PDZD11: variants seen among roughly 807,000 people sequenced by gnomAD.
PDZD11 encodes the protein PDZ domain containing 11, also known as PDZ domain-containing protein 11.
In PDZD11, 2 loss-of-function variants were observed where a neutral mutation model predicts 13.7. The ratio of observed to expected loss-of-function variants is 0.15; its 90% CI spans 0.06 to 0.46. PDZD11 has a LOEUF of 0.46. Among genes scored for constraint, PDZD11 ranks in the 20% least tolerant of loss-of-function variants. The pLI, the probability that PDZD11 is intolerant of heterozygous loss-of-function variation, is 0.98. For synonymous variants in PDZD11, 32 were observed against 37.5 expected (o/e 0.85, Z 0.54); for missense variants, 44 against 111.7 (o/e 0.39, Z 2.73).
chrX:70,287,261 GA>G lies in PDZD11; in HGVS notation c.388+14del. On this transcript the variant is annotated intron_variant, in intron 6 of 6. Coordinates refer to ENST00000239666, the MANE Select transcript of PDZD11 (RefSeq NM_016484.5). ...GGGCCCTGTCAGGAAAGTGAAAAAAGAAAGTGGCACTTACTGTAGGGAAAGA... is the reference window on the plus strand; with the variant it reads ...GGGCCCTGTCAGGAAAGTGAAAAAAGAAGTGGCACTTACTGTAGGGAAAGA... 8.3e-7 allele frequency: 1 copy of G among 1,203,787 alleles called. No individual in the cohort carries two copies. Among genetic ancestry groups the G allele is most frequent in the Non-Finnish European group, 1.1e-6 (1 of 888,633 alleles).
chrX:70,288,705 C>CTTT (rs67327803), intron 2 of PDZD11, among the ~76,000 whole-genome samples, 192 bp from the exon 3 acceptor site: 1 of 92,769 alleles, frequency 1.1e-5, no homozygotes, highest in Non-Finnish European at 2.1e-5. Context: ...ATTTCTTCAC[C>CTTT]TTTTTTTTTT....
At chrX:70,288,308 C>T in intron 3 of PDZD11, 122 bp downstream of exon 3, 1 of 850,565 alleles carries the variant, frequency 1.2e-6, no homozygotes, top group Non-Finnish European at 1.7e-6. Context: ...GTTATCTCAG[C>T]TTTTCTGTCC....
chrX:70,288,092 C>T, intron 4 of PDZD11, 25 bp downstream of exon 4: 1 of 1,151,537 alleles, frequency 8.7e-7, no homozygotes, highest in Non-Finnish European at 1.2e-6. Flanking sequence ...AGTAACGATC[C>T]ATATTGCCTA....
chrX:70,287,315 C>G lies in PDZD11; in HGVS notation c.349G>C (p.Ala117Pro). The G allele has an allele frequency of 4.1e-6, 5 of 1,208,672 alleles. No homozygotes were observed. The highest frequency in any genetic ancestry group is 5.6e-6 in the Non-Finnish European group (5 of 893,547). ...CGCACACGCATGCTGATTTCACGAG[C>G]TGTCTTCAGGATCTCAACAGCCTGG... ...HSKAVEILKT[A>P]REISMRVRFF... The change falls in exon 6 of 7, where the codon GCT becomes CCT. Residue 117 changes from alanine to proline, a missense_variant. Physicochemically the swap from Ala to Pro is conservative, Grantham distance 27. Transcript: ENST00000239666.
intron 5 of PDZD11, 33 bp downstream of exon 5, chrX:70,287,699 C>T (rs2085727910): frequency 9.4e-7 from 1 of 1,061,789 alleles, no homozygotes; most frequent in Non-Finnish European, 1.3e-6. Context: ...GAGATGGCTT[C>T]TTGCAGCACC....
At position 70,288,126 on chromosome X, in the gene PDZD11, G is replaced by A. The variant is rs1236988141; in HGVS notation, c.219C>T (p.Phe73=). ...TACTGGGCATAAATACCTTGGAGAT[G>A]AAGATGCCTAGCTGGGAGGCCTTTC... ...RGGKASQLGI[F]ISKVIPDSDA... The change falls in exon 4 of 7, where the codon TTC becomes TTT. Residue 73 remains phenylalanine, a synonymous_variant. Transcript: ENST00000239666. 1.0e-5 allele frequency: 12 copies of A among 1,204,652 alleles called. No homozygotes were observed. The highest frequency in any genetic ancestry group is 1.3e-5 in the Non-Finnish European group (12 of 890,300).
chrX:70,288,410 A>G lies in PDZD11; in HGVS notation c.171+20T>C, dbSNP rs779179365. 10 of 1,184,229 alleles carry G rather than the reference A, an allele frequency of 8.4e-6. No homozygotes were observed. Among genetic ancestry groups the G allele is most frequent in the Admixed American group, 2.2e-5 (1 of 45,633 alleles). On this transcript the variant is annotated intron_variant, in intron 3 of 6. Transcript: ENST00000239666. The stretch of plus-strand genomic sequence containing the variant: ...GTGGTATGGATGAATCTAGCCTGAA[A>G]TAAGGTTTCATAAGTTCACCTGAGC...
At chrX:70,287,188 C>T (rs985280087) in intron 6 of PDZD11, 72 bp from the exon 7 acceptor site, 1 of 1,148,619 alleles carries the variant, frequency 8.7e-7, no homozygotes, top group Admixed American at 2.3e-5. Flanking sequence ...TTCCCTATCC[C>T]CAACTTGTAG....
chrX:70,287,356 T>C lies in PDZD11; in HGVS notation c.328-20A>G. The C allele has an allele frequency of 8.4e-7, 1 of 1,188,754 alleles. No homozygotes were observed. Among genetic ancestry groups the C allele is most frequent in the Non-Finnish European group, 1.1e-6 (1 of 875,524 alleles). ...AACAGCCTGGAAGGAACACAGCAGC[T>C]TGTACAAATGAAGAGATATGACCCA... On this transcript the variant is annotated intron_variant, in intron 5 of 6. Coordinates refer to ENST00000239666, the MANE Select transcript of PDZD11 (RefSeq NM_016484.5).
chrX:70,289,175 C>G, intron 2 of PDZD11, 80 bp downstream of exon 2: 1 of 811,040 alleles, frequency 1.2e-6, no homozygotes, highest in African/African-American at 2.1e-5. Context: ...GCCTTCTAAC[C>G]CTGCTATCCT....
intron 6 of PDZD11, 76 bp from the exon 7 acceptor site, chrX:70,287,192 C>A: frequency 6.2e-6 from 7 of 1,136,531 alleles, no homozygotes; most frequent in Non-Finnish European, 8.4e-6. Flanking sequence ...CTATCCCCAA[C>A]TTGTAGGGCC....
intron 2 of PDZD11, 99 bp from the exon 3 acceptor site, chrX:70,288,612 G>A (rs2085735095): frequency 1.6e-6 from 1 of 642,146 alleles, no homozygotes; most frequent in Non-Finnish European, 2.5e-6. Context: ...GAAAAGGAAA[G>A]GTCATAGACT....
chrX:70,287,937 A>G, intron 4 of PDZD11, 107 bp from the exon 5 acceptor site: 1 of 755,942 alleles, frequency 1.3e-6, no homozygotes, highest in Non-Finnish European at 2.0e-6. Context: ...TTTCTGTGAC[A>G]ATGTATGCAG....
At chrX:70,288,209 A>C in intron 3 of PDZD11, 36 bp from the exon 4 acceptor site, 1 of 1,132,219 alleles carries the variant, frequency 8.8e-7, no homozygotes, top group Non-Finnish European at 1.2e-6. Flanking sequence ...GGCTCAATGG[A>C]GACCACAAAC....
In PDZD11 at chrX:70,288,104, T is replaced by G. The variant is rs1569225986; in HGVS notation, c.228+13A>C. The G allele has an allele frequency of 8.5e-7, 1 of 1,182,965 alleles. No individual in the cohort carries two copies. Among genetic ancestry groups the G allele is most frequent in the Non-Finnish European group, 1.2e-6 (1 of 869,442 alleles). On this transcript the variant is annotated intron_variant, in intron 4 of 6. Transcript: ENST00000239666. ...GGAAGTAACGATCCATATTGCCTAC[T>G]GGGCATAAATACCTTGGAGATGAAG...
At chrX:70,289,640 G>C (rs2085745610) in intron 1 of PDZD11, 1 of 311,265 alleles carries the variant, frequency 3.2e-6, no homozygotes, top group African/African-American at 2.7e-5. Context: ...GAGGAAATCA[G>C]GGTCGAGTCT....
chrX:70,288,205 A>G (rs762399978), intron 3 of PDZD11, 32 bp from the exon 4 acceptor site: 24 of 1,141,341 alleles, frequency 2.1e-5, no homozygotes, highest in Non-Finnish European at 2.4e-5. Context: ...TGGGGGCTCA[A>G]TGGAGACCAC....
At chrX:70,289,420 A>G in intron 1 of PDZD11, 66 bp from the exon 2 acceptor site, 1 of 1,168,538 alleles carries the variant, frequency 8.6e-7, no homozygotes, top group South Asian at 1.9e-5. Flanking sequence ...CAAGTTTCAG[A>G]CAGCAGCTCC....
rs1489407279 is a variant in PDZD11 at position 70,287,126 on chromosome X, A to G, written c.389-10T>C. On this transcript the variant is annotated splice_polypyrimidine_tract_variant and intron_variant, in intron 6 of 6. Coordinates refer to ENST00000239666, the MANE Select transcript of PDZD11 (RefSeq NM_016484.5). The stretch of plus-strand genomic sequence containing the variant: ...TTTTGGCGATGATAATCTGAAGGAA[A>G]GAAGAAGAAAAGGAGGAACAGAGCA... 1 of 1,196,359 alleles carries G rather than the reference A, an allele frequency of 8.4e-7. No individual in the cohort carries two copies. The highest frequency in any genetic ancestry group is 1.8e-5 in the African/African-American group (1 of 56,861).
Sources: allele counts gnomAD v4.1 joint callset (sites outside exome capture counted in the v4.1 genomes callset), GRCh38; gene constraint gnomAD v4.1.1; transcripts MANE v1.5; gene names NCBI Gene and HGNC (gene_info 2026-07-23, HGNC 2026-07-21).